SGCD: variants seen among roughly 807,000 people sequenced by gnomAD.
SGCD encodes delta-sarcoglycan.
In SGCD, 18 loss-of-function variants were observed where a neutral mutation model predicts 36.6. The observed-to-expected ratio is 0.49, with a 90% CI of 0.34 to 0.73. The LOEUF (loss-of-function observed/expected upper bound fraction) is 0.73. SGCD is among the 30% of genes least tolerant of loss of function. The pLI, the probability that SGCD is intolerant of heterozygous loss-of-function variation, is 0.01. For synonymous variants in SGCD, 133 were observed against 130.6 expected (o/e 1.02, Z -0.12); for missense variants, 387 against 346.7 (o/e 1.12, Z -0.92).
At chr5:155,910,805 C>T (rs981961058) in intron 1 of SGCD, among the ~76,000 whole-genome samples, 1 of 152,096 alleles carries the variant, frequency 6.6e-6, no homozygotes. Context: ...AGTGCATTGT[C>T]AAAGTGGAAG....
intron 1 of SGCD, among the ~76,000 whole-genome samples, chr5:156,106,136 A>G (rs1038574954): frequency 3.9e-4 from 59 of 150,808 alleles, no homozygotes; most frequent in East Asian, 1.4e-3. Flanking sequence ...AAAAAAAAAA[A>G]AAAGAAAGCA....
intron 1 of SGCD, among the ~76,000 whole-genome samples, chr5:156,037,012 T>C (rs1229339720): frequency 6.6e-6 from 1 of 152,162 alleles, no homozygotes; most frequent in Non-Finnish European, 1.5e-5. Context: ...TCAGATTGTG[T>C]CTCAGTGTCC....
intron 1 of SGCD, among the ~76,000 whole-genome samples, chr5:155,972,073 A>G (rs1272779720): frequency 6.6e-6 from 1 of 152,290 alleles, no homozygotes; most frequent in Non-Finnish European, 1.5e-5. Flanking sequence ...CTTAAAATAT[A>G]CATCTATTTA....
At chr5:156,735,339 A>G (rs1214081722) in intron 7 of SGCD, among the ~76,000 whole-genome samples, 1 of 152,092 alleles carries the variant, frequency 6.6e-6, no homozygotes, top group African/African-American at 2.4e-5. Context: ...GGCTGGAACT[A>G]CTAAGCCACC....
intron 1 of SGCD, among the ~76,000 whole-genome samples, chr5:155,891,184 C>T (rs1197123542): frequency 6.6e-6 from 1 of 152,160 alleles, no homozygotes; most frequent in Admixed American, 6.5e-5. Context: ...TGTACAGATC[C>T]ACTTTCTGGG....
intron 3 of SGCD, among the ~76,000 whole-genome samples, chr5:156,430,832 G>A (rs930625077): frequency 5.9e-5 from 9 of 152,148 alleles, no homozygotes; most frequent in Admixed American, 3.3e-4. Flanking sequence ...CTTGGGGTGT[G>A]GGAGAGTTCA....
At chr5:155,807,903 T>C in the SGCD span, among the ~76,000 whole-genome samples, 6 of 152,194 alleles carry the variant, frequency 3.9e-5, no homozygotes, top group Non-Finnish European at 7.4e-5. Context: ...GATGATACAC[T>C]ACAAAGATAA....
intron 4 of SGCD, among the ~76,000 whole-genome samples, chr5:156,530,374 T>A (rs1475545551): frequency 6.6e-6 from 1 of 152,220 alleles, no homozygotes; most frequent in Non-Finnish European, 1.5e-5. Context: ...TATTTTTAAA[T>A]CATTAATGCA....
At chr5:156,641,405 T>C (rs968470112) in intron 6 of SGCD, among the ~76,000 whole-genome samples, 4 of 152,338 alleles carry the variant, frequency 2.6e-5, no homozygotes, top group South Asian at 4.1e-4. Flanking sequence ...AGCTAAAACT[T>C]TGGAGTAACC....
chr5:155,790,470 G>A, the SGCD span, among the ~76,000 whole-genome samples: 2 of 151,944 alleles, frequency 1.3e-5, no homozygotes, highest in African/African-American at 4.8e-5. Context: ...AGGTATAAAA[G>A]CAAGCCCCTG....
Position 156,468,948 on chromosome 5 carries a change from C to T in SGCD, c.193-39653C>T, listed in dbSNP as rs544520643. ...CAGAGGTTGCAGTAAGCCGAGATGA[C>T]GCCACTGCACTCCAGCCTGGATGAC... is the stretch of plus-strand genomic sequence containing the variant. On this transcript the variant is annotated intron_variant, in intron 3 of 8. Transcript: ENST00000337851. Among the ~76,000 whole-genome samples, 6 of 152,242 alleles carry T rather than the reference C, an allele frequency of 3.9e-5. No individual in the cohort carries two copies. In the South Asian group the frequency reaches 6.2e-4, roughly 16 times the overall value.
At chr5:156,048,147 T>C (rs1331062968) in intron 1 of SGCD, among the ~76,000 whole-genome samples, 1 of 152,220 alleles carries the variant, frequency 6.6e-6, no homozygotes, top group East Asian at 1.9e-4. Flanking sequence ...ACAAAGGACA[T>C]GAACTCATCA....
chr5:155,872,385 A>T (rs575413859), intron 1 of SGCD, among the ~76,000 whole-genome samples: 57 of 147,542 alleles, frequency 3.9e-4, no homozygotes, highest in Admixed American at 6.8e-4. Flanking sequence ...ACACACACAC[A>T]CTCTCATGGA....
At chr5:156,657,474 G>T (rs1299046527) in intron 7 of SGCD, among the ~76,000 whole-genome samples, 1 of 148,756 alleles carries the variant, frequency 6.7e-6, no homozygotes, top group East Asian at 2.0e-4. Flanking sequence ...AAACATACAG[G>T]TTGAGGCCAG....
At chr5:156,395,300 A>T (rs975739618) in intron 3 of SGCD, among the ~76,000 whole-genome samples, 1 of 152,156 alleles carries the variant, frequency 6.6e-6, no homozygotes, top group Non-Finnish European at 1.5e-5. Context: ...ATCCTATGTG[A>T]TTGGTTAGGA....
At chr5:156,391,132 CT>C (rs1370518399) in intron 3 of SGCD, among the ~76,000 whole-genome samples, 1 of 152,182 alleles carries the variant, frequency 6.6e-6, no homozygotes, top group Non-Finnish European at 1.5e-5. Context: ...TATTTTAAAT[CT>C]TTTGTACCAT....
intron 2 of SGCD, among the ~76,000 whole-genome samples, chr5:156,342,939 G>T (rs970022291): frequency 6.6e-6 from 1 of 152,166 alleles, no homozygotes; most frequent in Non-Finnish European, 1.5e-5. Flanking sequence ...CGGCACTAGG[G>T]TATGTGTTTG....
chr5:156,600,112 G>A (rs1375524155), intron 6 of SGCD, among the ~76,000 whole-genome samples: 1 of 152,070 alleles, frequency 6.6e-6, no homozygotes, highest in African/African-American at 2.4e-5. Context: ...ATGAAACTAA[G>A]GTAGTTAGCA....
intron 3 of SGCD, among the ~76,000 whole-genome samples, chr5:156,185,505 C>A (rs150163896): frequency 6.6e-6 from 1 of 152,024 alleles, no homozygotes; most frequent in Non-Finnish European, 1.5e-5. Flanking sequence ...TGAGCCACCG[C>A]GCCTGGCCTC....
Sources: gnomAD v4.1 joint callset for allele counts (sites outside exome capture counted in the v4.1 genomes callset) on GRCh38, gnomAD v4.1.1 for gene constraint, MANE v1.5 for transcripts, NCBI Gene and HGNC (gene_info 2026-07-23, HGNC 2026-07-21) for gene names.